The following PTPRR variants were observed in gnomAD, a reference collection of about 807,000 sequenced individuals.
The protein encoded by PTPRR is protein tyrosine phosphatase receptor type R.
Under a neutral mutation model 77.2 loss-of-function variants are expected in PTPRR, and 38 were observed. The ratio of observed to expected loss-of-function variants is 0.49; its 90% confidence interval spans 0.38 to 0.65. The LOEUF (loss-of-function observed/expected upper bound fraction) is 0.65. Among genes scored for constraint, PTPRR ranks in the 30% least tolerant of loss-of-function variants. The pLI is 0.00. For synonymous variants in PTPRR, 299 were observed against 283.1 expected, an observed-to-expected ratio of 1.06 and a Z score of -0.57; for missense variants, 744 against 799.2, an observed-to-expected ratio of 0.93 and a Z score of 0.83.
chr12:70,668,446 C>T (rs1400785471), intron 10 of PTPRR, among the ~76,000 whole-genome samples: 2 of 152,170 alleles, frequency 1.3e-5, no homozygotes, highest in African/African-American at 4.8e-5. Flanking sequence ...AGTTGTTCTT[C>T]AGAAGATCCA....
At chr12:70,743,282 C>T (rs2136920562) in intron 6 of PTPRR, among the ~76,000 whole-genome samples, 1 of 152,144 alleles carries the variant, frequency 6.6e-6, no homozygotes, top group Non-Finnish European at 1.5e-5. Flanking sequence ...GAAACATGTG[C>T]TTTGGATTTG....
intron 10 of PTPRR, among the ~76,000 whole-genome samples, chr12:70,677,786 G>A (rs1186901188): frequency 6.6e-6 from 1 of 152,160 alleles, no homozygotes; most frequent in African/African-American, 2.4e-5. Context: ...TGTTTTTAAT[G>A]TGCTATTGAT....
In PTPRR at chr12:70,872,694, CAAAAAAAAAAAAAAA is replaced by C. The variant is rs377557224; in HGVS notation, c.357+19970_357+19984del. Among the ~76,000 whole-genome samples, 3 of 43,448 alleles carry C rather than the reference CAAAAAAAAAAAAAAA, an allele frequency of 6.9e-5. No individual in the cohort carries two copies. The South Asian group carries it at 4.2e-3, about 62-fold the overall frequency. 28.5% of individuals were successfully genotyped at this position (43,448 alleles called of 152,430 possible). On this transcript the variant is annotated intron_variant, in intron 2 of 13. Transcript: ENST00000283228. Reference sequence around the variant, plus strand: ...TGGGCGACAGAGTGAGACTCTGTCTCAAAAAAAAAAAAAAAAAAAAAAAAAACAATCCACCAAGTC... The same window carrying C: ...TGGGCGACAGAGTGAGACTCTGTCTCAAAAAAAAAAACAATCCACCAAGTC...
At chr12:70,722,911 A>G (rs1476608300) in intron 6 of PTPRR, among the ~76,000 whole-genome samples, 2 of 152,210 alleles carry the variant, frequency 1.3e-5, no homozygotes, top group Non-Finnish European at 2.9e-5. Flanking sequence ...AAGCCAAAAG[A>G]TGGGCCTTCC....
chr12:70,769,027 T>C (rs1890901605), intron 2 of PTPRR, among the ~76,000 whole-genome samples: 1 of 141,442 alleles, frequency 7.1e-6, no homozygotes, highest in Non-Finnish European at 1.5e-5. Context: ...ATAAGAGGTA[T>C]CTATGACAAA....
chr12:70,913,277 G>A (rs1893726966), intron 1 of PTPRR, among the ~76,000 whole-genome samples: 1 of 152,074 alleles, frequency 6.6e-6, no homozygotes, highest in South Asian at 2.1e-4. Context: ...GAGAAAAAAT[G>A]TATACAACCA....
chr12:70,866,872 T>C (rs1272650637), intron 2 of PTPRR, among the ~76,000 whole-genome samples: 1 of 151,896 alleles, frequency 6.6e-6, no homozygotes, highest in Non-Finnish European at 1.5e-5. Context: ...GCAAGGCTGG[T>C]TCAACACATG....
chr12:70,843,518 T>C (rs1161933934), intron 2 of PTPRR, among the ~76,000 whole-genome samples: 2 of 152,144 alleles, frequency 1.3e-5, no homozygotes, highest in Admixed American at 6.6e-5. Context: ...AACTCTCCAA[T>C]TGCTCTGTAA....
At chr12:70,834,919 A>G (rs1356154057) in intron 2 of PTPRR, among the ~76,000 whole-genome samples, 1 of 152,148 alleles carries the variant, frequency 6.6e-6, no homozygotes. Flanking sequence ...GTCTACGATT[A>G]GTTGTGGGGA....
intron 6 of PTPRR, among the ~76,000 whole-genome samples, chr12:70,715,343 G>T (rs1888984466): frequency 6.6e-6 from 1 of 152,208 alleles, no homozygotes; most frequent in East Asian, 1.9e-4. Context: ...GAGGCAGGGT[G>T]AAATCACGAG....
At chr12:70,759,366 G>A (rs1013709766) in intron 4 of PTPRR, among the ~76,000 whole-genome samples, 4 of 152,086 alleles carry the variant, frequency 2.6e-5, no homozygotes, top group African/African-American at 9.7e-5. Flanking sequence ...TGAGCCTAAA[G>A]ACTAATATGG....
chr12:70,761,748 G>A (rs1478419533), intron 3 of PTPRR, 122 bp from the exon 4 acceptor site: 2 of 721,480 alleles, frequency 2.8e-6, no homozygotes, highest in African/African-American at 1.8e-5. Flanking sequence ...AAGGCTTTGT[G>A]GAGATTATAT....
intron 2 of PTPRR, among the ~76,000 whole-genome samples, chr12:70,780,901 T>A (rs1260560602): frequency 6.6e-6 from 1 of 152,216 alleles, no homozygotes; most frequent in Non-Finnish European, 1.5e-5. Context: ...TCTGCCTACC[T>A]GTAAAGACCA....
intron 2 of PTPRR, among the ~76,000 whole-genome samples, chr12:70,829,733 G>A (rs1394743885): frequency 6.6e-6 from 1 of 152,118 alleles, no homozygotes; most frequent in African/African-American, 2.4e-5. Context: ...ACCTTCTAAG[G>A]AGGTTGGTCT....
chr12:70,770,018 A>T (rs1327152898), intron 2 of PTPRR, among the ~76,000 whole-genome samples: 9 of 151,926 alleles, frequency 5.9e-5, no homozygotes, highest in South Asian at 2.1e-4. Flanking sequence ...TCAAGATGGA[A>T]TAAAGACTTA....
In PTPRR at chr12:70,903,090, A is replaced by T. The variant is rs578144821; in HGVS notation, c.59-10113T>A. On this transcript the variant is annotated intron_variant, in intron 1 of 13. Coordinates refer to ENST00000283228, the MANE Select transcript of PTPRR (RefSeq NM_002849.4). ...GTAGAGAGTAGAAAGATGGTTATCA[A>T]AGGCTGGGACAGGGAATGGGGAAGG... Among the ~76,000 whole-genome samples, 18 of 151,916 alleles carry T rather than the reference A, an allele frequency of 1.2e-4. No homozygotes were observed. The South Asian group carries it at 3.7e-3, about 31-fold the overall frequency.
rs377374707 is a variant in PTPRR, at chr12:70,833,204, T to A, written c.357+59475A>T. Among the ~76,000 whole-genome samples, 381 of 152,142 alleles carry A rather than the reference T, an allele frequency of 2.5e-3. 16 individuals are homozygous for A. In the South Asian group the frequency reaches 0.075, roughly 30 times the overall value. ...AGGGGAGATGGACTTTAGAGATAAG[T>A]AGCAGGAAAAGAAGCAGGACATGGT... On this transcript the variant is annotated intron_variant, in intron 2 of 13. Coordinates refer to ENST00000283228, the MANE Select transcript of PTPRR (RefSeq NM_002849.4).
intron 2 of PTPRR, among the ~76,000 whole-genome samples, chr12:70,789,417 A>C (rs897155425): frequency 2.6e-5 from 4 of 152,078 alleles, no homozygotes; most frequent in African/African-American, 9.7e-5. Context: ...TGACTTAGAA[A>C]CAAGGGTTAT....
At chr12:70,659,095 G>T (rs1258754223) in intron 12 of PTPRR, among the ~76,000 whole-genome samples, 2 of 151,626 alleles carry the variant, frequency 1.3e-5, no homozygotes, top group Non-Finnish European at 2.9e-5. Context: ...TAGAGAGGGC[G>T]TTTCATCATA....
Sources: allele counts gnomAD v4.1 joint callset (sites outside exome capture counted in the v4.1 genomes callset), GRCh38; gene constraint gnomAD v4.1.1; transcripts MANE v1.5; gene names NCBI Gene and HGNC (gene_info 2026-07-23, HGNC 2026-07-21).